DRC8: variants seen among roughly 807,000 people sequenced by gnomAD.
The protein encoded by DRC8 is dynein regulatory complex protein 8.
At chr1:245,100,906 A>G in the DRC8 span, among the ~76,000 whole-genome samples, 3 of 152,032 alleles carry the variant, frequency 2.0e-5, no homozygotes, top group Admixed American at 6.5e-5. Context: ...GTTTTTTGAG[A>G]TGGAATTTTG....
At chr1:245,106,244 A>G in the DRC8 span, among the ~76,000 whole-genome samples, 5 of 152,204 alleles carry the variant, frequency 3.3e-5, no homozygotes, top group African/African-American at 1.2e-4. Flanking sequence ...CAGTGTTTGC[A>G]TTAGCAGTTA....
At chr1:244,992,418 A>G in the DRC8 span, among the ~76,000 whole-genome samples, 2 of 152,230 alleles carry the variant, frequency 1.3e-5, no homozygotes, top group African/African-American at 4.8e-5. Context: ...AAAATTTCTT[A>G]AACAACTAGG....
the DRC8 span, chr1:245,083,605 C>A: frequency 6.2e-7 from 1 of 1,603,234 alleles, no homozygotes; most frequent in Non-Finnish European, 8.5e-7. Flanking sequence ...TAATATCTAT[C>A]TTTTCTTTTC....
the DRC8 span, among the ~76,000 whole-genome samples, chr1:245,077,454 C>T: frequency 6.6e-6 from 1 of 152,066 alleles, no homozygotes; most frequent in Non-Finnish European, 1.5e-5. Context: ...GGAATTGTAT[C>T]ACAAATGAAA....
the DRC8 span, among the ~76,000 whole-genome samples, chr1:244,979,052 C>G: frequency 3.3e-5 from 5 of 152,020 alleles, no homozygotes; most frequent in African/African-American, 1.2e-4. Flanking sequence ...TTCACACACA[C>G]CCTCTTTAAA....
chr1:245,121,837 T>A, the DRC8 span: 2 of 418,832 alleles, frequency 4.8e-6, no homozygotes, highest in South Asian at 1.8e-5. Flanking sequence ...CTTAGGCTTG[T>A]CTTAGCTACT....
chr1:245,037,588 G>A, the DRC8 span, among the ~76,000 whole-genome samples: 2 of 152,136 alleles, frequency 1.3e-5, no homozygotes, highest in Non-Finnish European at 2.9e-5. Context: ...CGCATTTGCT[G>A]TTATTATTTA....
chr1:245,043,150 G>A, the DRC8 span, among the ~76,000 whole-genome samples: 1 of 152,282 alleles, frequency 6.6e-6, no homozygotes, highest in African/African-American at 2.4e-5. Flanking sequence ...ATCGAATGTT[G>A]ACTGAGTGCG....
At chr1:245,093,774 G>T in the DRC8 span, among the ~76,000 whole-genome samples, 1 of 151,968 alleles carries the variant, frequency 6.6e-6, no homozygotes, top group Admixed American at 6.6e-5. Flanking sequence ...ACCTAGTTCT[G>T]TGGAGAAGGA....
the DRC8 span, among the ~76,000 whole-genome samples, chr1:245,000,125 G>A: frequency 6.6e-6 from 1 of 152,200 alleles, no homozygotes. Context: ...GGCCAATAAA[G>A]TTTAATTTTT....
At chr1:245,004,660 T>G in the DRC8 span, among the ~76,000 whole-genome samples, 86 of 152,328 alleles carry the variant, frequency 5.6e-4, no homozygotes, top group Non-Finnish European at 9.7e-4. Context: ...AGAAATACAG[T>G]AGAAGCTCCC....
At chr1:245,005,508 A>T in the DRC8 span, among the ~76,000 whole-genome samples, 2 of 151,748 alleles carry the variant, frequency 1.3e-5, no homozygotes, top group South Asian at 2.1e-4. Context: ...ACACCACCAC[A>T]CCTGGCTAAT....
At chr1:245,000,039 G>A in the DRC8 span, among the ~76,000 whole-genome samples, 1 of 152,158 alleles carries the variant, frequency 6.6e-6, no homozygotes, top group South Asian at 2.1e-4. Context: ...GGCTGGTCTT[G>A]AACTCTTGAC....
chr1:245,025,860 CT>C, the DRC8 span, among the ~76,000 whole-genome samples: 1 of 152,234 alleles, frequency 6.6e-6, no homozygotes, highest in Admixed American at 6.5e-5. Flanking sequence ...CAGACGGTCT[CT>C]TTCCTGCCGC....
the DRC8 span, among the ~76,000 whole-genome samples, chr1:245,112,910 C>G: frequency 7.2e-5 from 11 of 152,228 alleles, no homozygotes; most frequent in African/African-American, 2.6e-4. Context: ...TCTGCCACCA[C>G]GCCCAGCTAA....
the DRC8 span, among the ~76,000 whole-genome samples, chr1:244,995,520 C>T: frequency 6.6e-6 from 1 of 152,114 alleles, no homozygotes; most frequent in Non-Finnish European, 1.5e-5. Flanking sequence ...CACTGTGCCT[C>T]ACTATTTTTA....
chr1:245,034,600 C>CAAAAA, the DRC8 span, among the ~76,000 whole-genome samples: 718 of 39,222 alleles, frequency 0.018, 3 homozygotes, highest in East Asian at 0.026. Flanking sequence ...GACTCCATCT[C>CAAAAA]AAAAAAAAAA....
At chr1:244,984,700 T>C in the DRC8 span, among the ~76,000 whole-genome samples, 1 of 151,920 alleles carries the variant, frequency 6.6e-6, no homozygotes, top group Non-Finnish European at 1.5e-5. Flanking sequence ...CCAGGTGTGG[T>C]GGCACACGCC....
chr1:244,974,461 T>G, the DRC8 span, among the ~76,000 whole-genome samples: 1 of 152,228 alleles, frequency 6.6e-6, no homozygotes, highest in African/African-American at 2.4e-5. Context: ...TTTGATAACA[T>G]TGCTTGATAA....
Sources: allele counts gnomAD v4.1 joint callset (sites outside exome capture counted in the v4.1 genomes callset), GRCh38; gene constraint gnomAD v4.1.1; transcripts MANE v1.5; gene names NCBI Gene and HGNC (gene_info 2026-07-23, HGNC 2026-07-21).